PCDHGB4: variants seen among roughly 807,000 people sequenced by gnomAD.
The protein encoded by PCDHGB4 is protocadherin gamma subfamily B, 4.
PCDHGB4 carries 38 observed loss-of-function variants against 60.5 expected under a neutral mutation model. The ratio of observed to expected loss-of-function variants is 0.63; its 90% confidence interval spans 0.48 to 0.82. PCDHGB4 has a LOEUF of 0.82. Among genes scored for constraint, PCDHGB4 ranks in the 40% least tolerant of loss-of-function variants. The pLI is 0.00. For missense variants in PCDHGB4, 1,109 were observed against 1,209.6 expected, an observed-to-expected ratio of 0.92 and a Z score of 1.23; for synonymous variants, 456 against 509.7, an observed-to-expected ratio of 0.89 and a Z score of 1.42.
Position 141,406,737 on chromosome 5 carries a change from T to C in PCDHGB4, c.2397+16456T>C, listed in dbSNP as rs540886306. 1.1e-4 allele frequency among the ~76,000 whole-genome samples: 16 copies of C among 152,348 alleles called. No homozygotes were observed. The South Asian group carries it at 3.3e-3, about 32-fold the overall frequency. ...AAGAGAAGTTTCTAAGACTGGACAC[T>C]GTGAAATGACAAAACAAGGAATTAA... On this transcript the variant is annotated intron_variant, in intron 1 of 3. Coordinates refer to ENST00000519479, the MANE Select transcript of PCDHGB4 (RefSeq NM_003736.4).
Position 141,476,239 on chromosome 5 carries a change from A to T in PCDHGB4, c.2398-18568A>T. ...TTCACTATGAGATCCCGGAGGAAAG[A>T]GAGAAGGGTTTCGCTGTGGGCAACG... is the stretch of plus-strand genomic sequence containing the variant. On this transcript the variant is annotated intron_variant, in intron 1 of 3. Coordinates refer to ENST00000519479, the MANE Select transcript of PCDHGB4 (RefSeq NM_003736.4). This position sits in a 1 kb window ranked among gnomAD's most constrained non-coding sequence, Gnocchi z 7.6. 1 of 1,613,826 alleles carries T rather than the reference A, an allele frequency of 6.2e-7. No homozygotes were observed. Among genetic ancestry groups the T allele is most frequent in the Non-Finnish European group, 8.5e-7 (1 of 1,179,996 alleles).
chr5:141,506,246 C>T (rs1049014492), intron 3 of PCDHGB4, among the ~76,000 whole-genome samples: 3 of 151,958 alleles, frequency 2.0e-5, no homozygotes, highest in South Asian at 4.2e-4. Context: ...GTCAGGAGTT[C>T]GAAACCGGCC....
chr5:141,469,918 G>T (rs2099215604), intron 1 of PCDHGB4, among the ~76,000 whole-genome samples: 2 of 152,148 alleles, frequency 1.3e-5, no homozygotes, highest in African/African-American at 4.8e-5. Context: ...ACCACCCGAG[G>T]TCAGGAGTTT....
Position 141,389,586 on chromosome 5 carries a change from G to A in PCDHGB4, c.1702G>A (p.Asp568Asn), listed in dbSNP as rs369593580. 471 of 1,613,048 alleles carry A rather than the reference G, an allele frequency of 2.9e-4. No homozygotes were observed. Among genetic ancestry groups the A allele is most frequent in the Non-Finnish European group, 3.8e-4 (446 of 1,179,788 alleles). ...PRVLYPALGP[D>N]GSALFDMVPH... ...GGTGCTGTACCCCGCGCTGGGTCCC[G>A]ACGGCTCTGCGCTCTTCGATATGGT... Residue 568 changes from aspartate to asparagine, a missense_variant, in exon 1 of 4, where the codon GAC (aspartate) becomes AAC (asparagine). Asp to Asn is a conservative substitution (Grantham distance 23, BLOSUM62 1). Coordinates refer to ENST00000519479, the MANE Select transcript of PCDHGB4 (RefSeq NM_003736.4).
At position 141,389,125 on chromosome 5, in the gene PCDHGB4, C is replaced by T; in HGVS notation, c.1241C>T (p.Pro414Leu). 1 of 1,614,004 alleles carries T rather than the reference C, an allele frequency of 6.2e-7. No homozygotes were observed. Among genetic ancestry groups the T allele is most frequent in the African/African-American group, 1.3e-5 (1 of 75,060 alleles). ...GCTGTTCTAGACCGCGAGCAGAATCCAGAGTACAATATAACCGTTACGGCA... is the reference window on the plus strand; with the variant it reads ...GCTGTTCTAGACCGCGAGCAGAATCTAGAGTACAATATAACCGTTACGGCA... ...TDAVLDREQN[P>L]EYNITVTATD... Residue 414 changes from proline (P) to leucine (L), a missense_variant, in exon 1 of 4, where the codon CCA becomes CTA. Transcript: ENST00000519479.
intron 1 of PCDHGB4, chr5:141,415,466 C>T (rs1187128064): frequency 6.2e-7 from 1 of 1,614,224 alleles, no homozygotes. Flanking sequence ...GTCTCTCTCA[C>T]CGCGGACTCG....
intron 1 of PCDHGB4, among the ~76,000 whole-genome samples, chr5:141,472,280 A>G (rs988007394): frequency 6.6e-6 from 1 of 152,276 alleles, no homozygotes; most frequent in African/African-American, 2.4e-5. Context: ...AGTGGCTCAC[A>G]CCTGTAATCC....
chr5:141,405,215 C>T, intron 1 of PCDHGB4: 1 of 1,614,078 alleles, frequency 6.2e-7, no homozygotes, highest in Non-Finnish European at 8.5e-7. Flanking sequence ...GACCTATTCT[C>T]AGGAGTTCTC....
chr5:141,423,720 A>G, intron 1 of PCDHGB4: 1 of 957,774 alleles, frequency 1.0e-6, no homozygotes, highest in East Asian at 6.0e-5. Flanking sequence ...TTTTAAGGAG[A>G]TGTTTTTTGA....
intron 1 of PCDHGB4, chr5:141,421,422 C>T (rs908483513): frequency 6.2e-7 from 1 of 1,614,086 alleles, no homozygotes; most frequent in Non-Finnish European, 8.5e-7. Flanking sequence ...AGCGCGGAGT[C>T]CGCATCGTCT....
chr5:141,404,517 A>C (rs1268035794), intron 1 of PCDHGB4: 1 of 1,613,938 alleles, frequency 6.2e-7, no homozygotes, highest in South Asian at 1.1e-5. Flanking sequence ...TCCTTTGACT[A>C]TGAGCAGTTT....
At chr5:141,421,828 C>T in intron 1 of PCDHGB4, 1 of 1,613,796 alleles carries the variant, frequency 6.2e-7, no homozygotes, top group Non-Finnish European at 8.5e-7. Context: ...GGAGGGAAGC[C>T]TGGACCGAGA....
At chr5:141,503,363 G>A (rs2099819478) in intron 2 of PCDHGB4, among the ~76,000 whole-genome samples, 2 of 152,132 alleles carry the variant, frequency 1.3e-5, no homozygotes, top group East Asian at 1.9e-4. Context: ...TTGGGAAGCG[G>A]AGGCAGGTGG....
chr5:141,428,065 C>T lies in PCDHGB4; in HGVS notation c.2397+37784C>T, dbSNP rs1028782772. 6 of 1,609,086 alleles carry T rather than the reference C, an allele frequency of 3.7e-6. No individual in the cohort carries two copies. The African/African-American group carries it at 6.7e-5, about 18-fold the overall frequency. ...GTGACCAAGGTGGTGGCGGTGGACGCAGATTCGGGACACAACGCTTGGCTG... is the reference window on the plus strand; with the variant it reads ...GTGACCAAGGTGGTGGCGGTGGACGTAGATTCGGGACACAACGCTTGGCTG... On this transcript the variant is annotated intron_variant, in intron 1 of 3. Coordinates refer to ENST00000519479, the MANE Select transcript of PCDHGB4 (RefSeq NM_003736.4).
intron 1 of PCDHGB4, chr5:141,423,461 A>G (rs1590478217): frequency 6.2e-7 from 1 of 1,613,982 alleles, no homozygotes; most frequent in Non-Finnish European, 8.5e-7. Context: ...GTAGGCGTGG[A>G]CGGGGTACAG....
At chr5:141,407,535 T>C (rs1471174995) in intron 1 of PCDHGB4, among the ~76,000 whole-genome samples, 1 of 151,840 alleles carries the variant, frequency 6.6e-6, no homozygotes, top group Non-Finnish European at 1.5e-5. Context: ...TTATTGTGCA[T>C]TGGTAACAGA....
chr5:141,507,754 C>T (rs1488474557), intron 3 of PCDHGB4, among the ~76,000 whole-genome samples: 7 of 152,242 alleles, frequency 4.6e-5, no homozygotes, highest in Admixed American at 2.0e-4. Flanking sequence ...GTCAAGGCCT[C>T]CCACCTTTGG....
Position 141,409,742 on chromosome 5 carries a change from G to A in PCDHGB4, c.2397+19461G>A, listed in dbSNP as rs763304955. On this transcript the variant is annotated intron_variant, in intron 1 of 3. Coordinates refer to ENST00000519479, the MANE Select transcript of PCDHGB4 (RefSeq NM_003736.4). Reference sequence around the variant, plus strand: ...GTCAGTGAGCGCGCAGAGCGGGGTGGTGTTCGCGCAGCGCGCCTTTGATCA... The same window carrying A: ...GTCAGTGAGCGCGCAGAGCGGGGTGATGTTCGCGCAGCGCGCCTTTGATCA... 4.3e-6 allele frequency: 7 copies of A among 1,612,986 alleles called. No individual in the cohort carries two copies. In the South Asian group the frequency reaches 5.5e-5, roughly 13 times the overall value.
chr5:141,496,225 G>C (rs112222482), intron 2 of PCDHGB4, among the ~76,000 whole-genome samples: 178 of 152,276 alleles, frequency 1.2e-3, no homozygotes, highest in Non-Finnish European at 1.8e-3. Context: ...TGCTGAGACA[G>C]GAACCCCCTG....
Sources: gnomAD v4.1 joint callset for allele counts (sites outside exome capture counted in the v4.1 genomes callset) on GRCh38, gnomAD v4.1.1 for gene constraint, Gnocchi (gnomAD v3.1) non-coding constraint, MANE v1.5 for transcripts, NCBI Gene and HGNC (gene_info 2026-07-23, HGNC 2026-07-21) for gene names.